The following MAGI1 variants were observed in gnomAD, a reference collection of about 807,000 sequenced individuals.
MAGI1 encodes the protein membrane associated guanylate kinase, WW and PDZ domain containing 1.
MAGI1 carries 58 observed loss-of-function variants against 139.9 expected under a neutral mutation model. The observed-to-expected ratio is 0.41, with a 90% CI of 0.34 to 0.52. The LOEUF is 0.52. MAGI1 is among the 20% of genes least tolerant of loss of function. The pLI, the probability that MAGI1 is intolerant of heterozygous loss-of-function variation, is 0.12. For synonymous variants in MAGI1, 812 were observed against 737.9 expected (o/e 1.10, Z -1.63); for missense variants, 1,874 against 1,901.6 (o/e 0.99, Z 0.27).
intron 1 of MAGI1, among the ~76,000 whole-genome samples, chr3:65,774,460 T>C (rs560168999): frequency 7.9e-5 from 12 of 152,170 alleles, no homozygotes; most frequent in Non-Finnish European, 1.6e-4. Context: ...TTCAAAATCT[T>C]CCTGGGGCAA....
intron 1 of MAGI1, among the ~76,000 whole-genome samples, chr3:65,870,509 G>T (rs986895312): frequency 5.9e-5 from 9 of 151,852 alleles, no homozygotes; most frequent in African/African-American, 2.2e-4. Flanking sequence ...ACTAAAATGA[G>T]AAAGAGAGCA....
chr3:65,644,496 G>A (rs955353193), intron 1 of MAGI1, among the ~76,000 whole-genome samples: 3 of 151,632 alleles, frequency 2.0e-5, no homozygotes, highest in African/African-American at 7.3e-5. Context: ...AGGAGGTTGA[G>A]GCTACAGTAA....
chr3:65,865,947 G>C (rs575339170), intron 1 of MAGI1, among the ~76,000 whole-genome samples: 9 of 152,212 alleles, frequency 5.9e-5, no homozygotes, highest in Admixed American at 5.9e-4. Context: ...GCCATACTTT[G>C]CAAGCTTTTA....
At chr3:65,663,749 G>T (rs943885090) in intron 1 of MAGI1, among the ~76,000 whole-genome samples, 1 of 152,132 alleles carries the variant, frequency 6.6e-6, no homozygotes, top group South Asian at 2.1e-4. Flanking sequence ...TCCTTGTCAA[G>T]GTTCCTTGTG....
At position 65,355,534 on chromosome 3, in the gene MAGI1, G is replaced by C. The variant is rs990294238; in HGVS notation, c.*844C>G. On this transcript the variant is annotated 3_prime_UTR_variant, in exon 23 of 23. Coordinates refer to ENST00000402939, the MANE Select transcript of MAGI1 (RefSeq NM_001033057.2). ...TCTACTATTCAGCCTCCAATCAGAC[G>C]AGACAACACGAAAGATGCTTGTTGT... 6.6e-6 allele frequency: 1 copy of C among 152,450 alleles called. No individual in the cohort carries two copies. The highest frequency in any genetic ancestry group is 3.2e-3 in the Middle Eastern group (1 of 316). The allele number at this position is 152,450 out of a possible 1,614,324, so 9.4% of individuals were successfully genotyped here. A position where few individuals can be genotyped will look rare whatever the true frequency, so the allele number is the denominator to read the frequency against.
intron 2 of MAGI1, among the ~76,000 whole-genome samples, chr3:65,620,494 T>C (rs1447205554): frequency 6.6e-6 from 1 of 152,326 alleles, no homozygotes; most frequent in East Asian, 1.9e-4. Context: ...TGATCACCTA[T>C]GGCTTTAATT....
chr3:65,691,551 A>C (rs2088654698), intron 1 of MAGI1, among the ~76,000 whole-genome samples: 1 of 152,114 alleles, frequency 6.6e-6, no homozygotes. Flanking sequence ...TATTTTTAGC[A>C]AGTGTAAACT....
chr3:65,981,151 C>A (rs914914671), intron 1 of MAGI1, among the ~76,000 whole-genome samples: 276 of 129,260 alleles, frequency 2.1e-3, no homozygotes, highest in Middle Eastern at 4.0e-3. Flanking sequence ...GACTCCATCT[C>A]AAAAAAAAAA....
intron 2 of MAGI1, among the ~76,000 whole-genome samples, chr3:65,608,806 T>C (rs1216014818): frequency 6.6e-6 from 1 of 152,154 alleles, no homozygotes; most frequent in Non-Finnish European, 1.5e-5. Context: ...ATGTCCATTG[T>C]ATAAGAATGC....
At chr3:65,618,015 G>A (rs916065266) in intron 2 of MAGI1, among the ~76,000 whole-genome samples, 7 of 152,262 alleles carry the variant, frequency 4.6e-5, no homozygotes, top group African/African-American at 7.2e-5. Flanking sequence ...TAGGGGGAGA[G>A]GGCAACAGGC....
At chr3:65,530,135 T>C (rs941368144) in intron 2 of MAGI1, among the ~76,000 whole-genome samples, 2 of 152,160 alleles carry the variant, frequency 1.3e-5, no homozygotes, top group African/African-American at 4.8e-5. Flanking sequence ...CAAGCACCTG[T>C]AGCAAGATCA....
intron 1 of MAGI1, among the ~76,000 whole-genome samples, chr3:65,704,371 A>T (rs1366715371): frequency 6.6e-6 from 1 of 152,182 alleles, no homozygotes; most frequent in Non-Finnish European, 1.5e-5. Flanking sequence ...CTCAACTGCC[A>T]TGTGAGGAGG....
At chr3:65,629,403 A>G (rs78873531) in intron 1 of MAGI1, among the ~76,000 whole-genome samples, 4,377 of 152,330 alleles carry the variant, frequency 0.029, 84 homozygotes, top group Middle Eastern at 0.061. Flanking sequence ...CAAATTTTCA[A>G]TGCTAAGGAG....
chr3:65,396,369 A>G (rs1346569658), intron 13 of MAGI1, among the ~76,000 whole-genome samples: 1 of 152,236 alleles, frequency 6.6e-6, no homozygotes, highest in Non-Finnish European at 1.5e-5. Context: ...CATGTTGGCC[A>G]TGAACCTGTA....
At chr3:65,648,863 T>C (rs559445213) in intron 1 of MAGI1, among the ~76,000 whole-genome samples, 1 of 152,106 alleles carries the variant, frequency 6.6e-6, no homozygotes. Context: ...GACACACAGA[T>C]TAATGGGTCA....
intron 1 of MAGI1, among the ~76,000 whole-genome samples, chr3:65,679,731 C>T (rs1010409718): frequency 3.3e-5 from 5 of 152,282 alleles, no homozygotes; most frequent in African/African-American, 1.2e-4. Context: ...GTTTTCAAAC[C>T]CACTGTTTTC....
intron 1 of MAGI1, among the ~76,000 whole-genome samples, chr3:65,835,586 A>G (rs2108313687): frequency 6.6e-6 from 1 of 152,006 alleles, no homozygotes; most frequent in East Asian, 2.0e-4. Flanking sequence ...ATTCGTGATA[A>G]GCCAGTGTTT....
chr3:65,448,140 C>T, intron 6 of MAGI1, 83 bp from the exon 7 acceptor site: 1 of 1,234,694 alleles, frequency 8.1e-7, no homozygotes, highest in Non-Finnish European at 1.2e-6. Context: ...GAAATCTCCT[C>T]AGGAAAACAG....
At chr3:65,628,965 T>C (rs987083393) in intron 1 of MAGI1, among the ~76,000 whole-genome samples, 1 of 152,230 alleles carries the variant, frequency 6.6e-6, no homozygotes, top group Non-Finnish European at 1.5e-5. Flanking sequence ...AAAGATATTC[T>C]TATATATTCT....
Sources: gnomAD v4.1 joint callset for allele counts (sites outside exome capture counted in the v4.1 genomes callset) on GRCh38, gnomAD v4.1.1 for gene constraint, MANE v1.5 for transcripts, NCBI Gene and HGNC (gene_info 2026-07-23, HGNC 2026-07-21) for gene names.